EXOC3: variants seen among roughly 807,000 people sequenced by gnomAD.
EXOC3 encodes SEC6-like 1.
EXOC3 carries 21 observed loss-of-function variants against 73.7 expected under a neutral mutation model. The observed-to-expected ratio is 0.29, with a 90% CI of 0.20 to 0.41. The LOEUF is 0.41. Ranked by LOEUF, EXOC3 falls within the 10% of genes least tolerant of loss-of-function variation. The probability of loss-of-function intolerance (pLI) is 1.00; values close to 1 mark genes in which losing one functional copy is unlikely to be tolerated. For synonymous variants in EXOC3, 410 were observed against 389.1 expected (o/e 1.05, Z -0.63); for missense variants, 842 against 985.1 (o/e 0.85, Z 1.95).
chr5:463,654 G>A (rs1738052435), intron 9 of EXOC3, among the ~76,000 whole-genome samples: 1 of 152,068 alleles, frequency 6.6e-6, no homozygotes, highest in Non-Finnish European at 1.5e-5. Context: ...ACTTCTATTG[G>A]AGTTTTAATT....
At chr5:462,843 C>T (rs952142656) in intron 9 of EXOC3, among the ~76,000 whole-genome samples, 4 of 152,212 alleles carry the variant, frequency 2.6e-5, no homozygotes, top group East Asian at 1.9e-4. Context: ...TGGTGGCTTA[C>T]GCCTTTAATC....
intron 10 of EXOC3, 23 bp downstream of exon 10, chr5:464,435 C>T (rs1372521987): frequency 6.8e-6 from 11 of 1,611,148 alleles, no homozygotes; most frequent in Non-Finnish European, 9.3e-6. Flanking sequence ...GACCTAGTTC[C>T]CTCATCACCT....
chr5:456,944 G>C lies in EXOC3; in HGVS notation c.1102G>C (p.Glu368Gln). ...CCCGGAAGTGGATGTCGGCACCCTG[G>C]AGCCATTGCTTTCTCCACACGTGGT... The part of the protein sequence containing the change: ...LAPEVDVGTL[E>Q]PLLSPHVVSE... Residue 368 changes from glutamate (E) to glutamine (Q), a missense_variant, in exon 5 of 13, where the codon GAG becomes CAG. Transcript: ENST00000512944. 2 of 1,614,070 alleles carry C rather than the reference G, an allele frequency of 1.2e-6. No individual in the cohort carries two copies. The highest frequency in any genetic ancestry group is 1.7e-6 in the Non-Finnish European group (2 of 1,179,894).
intron 3 of EXOC3, among the ~76,000 whole-genome samples, chr5:449,091 A>G (rs1737584877): frequency 6.6e-6 from 1 of 152,230 alleles, no homozygotes; most frequent in African/African-American, 2.4e-5. Context: ...AAAAAGGTGC[A>G]TTACTGGAAT....
chr5:453,226 TACCTCAGAC>T lies in EXOC3; in HGVS notation c.365-141_365-133del, dbSNP rs1469833332. ...TAGACTCCAGAGTTCCAAAGATAGT[TACCTCAGAC>T]ACATCCTGCCATTGCAGTTGTTGTT... On this transcript the variant is annotated intron_variant, in intron 3 of 12. Transcript: ENST00000512944. 1.6e-5 allele frequency: 10 copies of T among 635,692 alleles called. No individual in the cohort carries two copies. In the South Asian group the frequency reaches 1.6e-4, roughly 10 times the overall value. The allele number at this position is 635,692 out of a possible 1,614,324, so 39.4% of individuals were successfully genotyped here.
intron 1 of EXOC3, among the ~76,000 whole-genome samples, chr5:444,698 ATTTAAGGGGAGTTGTCCCTGGGTGGCG>A (rs1226438616): frequency 1.3e-5 from 2 of 152,312 alleles, no homozygotes; most frequent in Admixed American, 1.3e-4. Flanking sequence ...GAGTGTCGGG[ATTTAAGGGGAGTTGTCCCTGGGTGGCG>A]GGATTTAAGG....
intron 7 of EXOC3, 29 bp downstream of exon 7, chr5:459,488 A>ACCTGT: frequency 8.2e-7 from 1 of 1,218,560 alleles, no homozygotes; most frequent in Non-Finnish European, 1.2e-6. Flanking sequence ...GTGCTAATGT[A>ACCTGT]CACATTGAAT....
chr5:466,460 C>A (rs1411096236), intron 12 of EXOC3: 3 of 456,494 alleles, frequency 6.6e-6, no homozygotes. Context: ...GGGTCTTGAG[C>A]TCTCCACGGT....
In EXOC3 at chr5:453,950, C is replaced by G; in HGVS notation, c.945C>G (p.Tyr315Ter). 1 of 1,614,020 alleles carries G rather than the reference C, an allele frequency of 6.2e-7. No homozygotes were observed. Among genetic ancestry groups the G allele is most frequent in the Non-Finnish European group, 8.5e-7 (1 of 1,179,876 alleles). The change falls in exon 4 of 13, where the codon TAC (tyrosine) becomes TAG (stop). Residue 315 changes from tyrosine (Y) to a stop codon, truncating the protein, a stop_gained. Coordinates refer to ENST00000512944, the MANE Select transcript of EXOC3 (RefSeq NM_007277.5). LOFTEE classifies it high-confidence loss of function. Reference sequence around the variant, plus strand: ...TCTTTAAGAACCTCCTGAACATGTACCACCAAGCCCTGAGCACGCGGATGC... The same window carrying G: ...TCTTTAAGAACCTCCTGAACATGTAGCACCAAGCCCTGAGCACGCGGATGC... ...YEIFKNLLNM[Y>*]HQALSTRMQD...
chr5:457,874 T>C (rs1358519247), intron 5 of EXOC3, 26 bp from the exon 6 acceptor site: 2 of 1,592,094 alleles, frequency 1.3e-6, no homozygotes, highest in East Asian at 4.5e-5. Context: ...TCTCTTCTCT[T>C]CTCCATGATG....
chr5:451,440 A>G (rs1398640666), intron 3 of EXOC3, among the ~76,000 whole-genome samples: 1 of 152,234 alleles, frequency 6.6e-6, no homozygotes, highest in Non-Finnish European at 1.5e-5. Flanking sequence ...AAAATTAGGT[A>G]GAAAACAATG....
intron 4 of EXOC3, among the ~76,000 whole-genome samples, chr5:456,140 C>T (rs183727637): frequency 8.5e-5 from 13 of 152,238 alleles, no homozygotes; most frequent in Admixed American, 2.0e-4. Flanking sequence ...GATTCCAGGA[C>T]CCCCCTTGGC....
At position 451,124 on chromosome 5, in the gene EXOC3, CTTAT is replaced by C. The variant is rs536521129; in HGVS notation, c.365-2243_365-2240del. Among the ~76,000 whole-genome samples the C allele has an allele frequency of 1.4e-3, 210 of 149,620 alleles. 1 individual carries two copies. Among genetic ancestry groups the C allele is most frequent in the Non-Finnish European group, 1.9e-3 (125 of 66,454 alleles). The stretch of plus-strand genomic sequence containing the variant: ...TATATGCGGTATAACATTTTTGTCT[CTTAT>C]TTCTGCATTTTTTTTGTGCTTTTGA... On this transcript the variant is annotated intron_variant, in intron 3 of 12. Coordinates refer to ENST00000512944, the MANE Select transcript of EXOC3 (RefSeq NM_007277.5).
chr5:462,201 T>C lies in EXOC3; in HGVS notation c.1547T>C (p.Val516Ala), dbSNP rs2126586061. 6.2e-7 allele frequency: 1 copy of C among 1,613,924 alleles called. No homozygotes were observed. Among genetic ancestry groups the C allele is most frequent in the Non-Finnish European group, 8.5e-7 (1 of 1,179,888 alleles). Residue 516 changes from valine (V) to alanine (A), a missense_variant, in exon 9 of 13, where the codon GTG (valine) becomes GCG (alanine). Transcript: ENST00000512944. ...AAAAGAAAGTATTTAAAGAATGAAG[T>C]GGAAGAGGGTGTGTCTCCGAGCCAG... ...SLKRKYLKNE[V>A]EEGVSPSQPS...
At chr5:462,350 C>A (rs890972) in intron 9 of EXOC3, 43 bp downstream of exon 9, 794,550 of 1,609,582 alleles carry the variant, frequency 0.49, 200,405 homozygotes, top group African/African-American at 0.76. Context: ...GGGCCGAAGC[C>A]CAGTGCTTCC....
rs759279639 is a variant in EXOC3 at position 446,315 on chromosome 5, C to T, written c.110C>T (p.Ala37Val). The change falls in exon 2 of 13, where the codon GCG becomes GTG. Residue 37 changes from alanine to valine, a missense_variant. Coordinates refer to ENST00000512944, the MANE Select transcript of EXOC3 (RefSeq NM_007277.5). ...DKVEQYRRRE[A>V]RKKASVEARL... ...GTGGAGCAGTATCGCAGGAGAGAAG[C>T]GCGGAAGAAGGCCTCCGTGGAGGCC... 30 of 1,612,816 alleles carry T rather than the reference C, an allele frequency of 1.9e-5. No homozygotes were observed. Among genetic ancestry groups the T allele is most frequent in the Middle Eastern group, 1.7e-4 (1 of 6,032 alleles).
chr5:451,070 G>A (rs1737646969), intron 3 of EXOC3, among the ~76,000 whole-genome samples: 2 of 151,964 alleles, frequency 1.3e-5, no homozygotes, highest in African/African-American at 4.8e-5. Flanking sequence ...TGATAAGAAG[G>A]GACTTCTGTC....
Position 447,604 on chromosome 5 carries a change from C to G in EXOC3, c.216C>G (p.Val72=), listed in dbSNP as rs1737543543. ...LSQLHNALND[V]KDIQQSLADV... ...AGCTCCACAACGCCCTGAATGACGTCAAAGACATCCAGCAGTCGCTGGCAG... is the reference window on the plus strand; with the variant it reads ...AGCTCCACAACGCCCTGAATGACGTGAAAGACATCCAGCAGTCGCTGGCAG... The change falls in exon 3 of 13, where the codon GTC becomes GTG. Residue 72 remains valine (V), a synonymous_variant. Transcript: ENST00000512944. The G allele has an allele frequency of 1.3e-6, 2 of 1,588,808 alleles. No individual in the cohort carries two copies. Among genetic ancestry groups the G allele is most frequent in the Non-Finnish European group, 1.7e-6 (2 of 1,167,514 alleles).
chr5:466,551 G>T, intron 12 of EXOC3, 176 bp from the exon 13 acceptor site: 1 of 590,636 alleles, frequency 1.7e-6, no homozygotes, highest in Non-Finnish European at 3.0e-6. Context: ...AGAAAAGACA[G>T]AGTAAGATGA....
Sources: gnomAD v4.1 joint callset for allele counts (sites outside exome capture counted in the v4.1 genomes callset) on GRCh38, gnomAD v4.1.1 for gene constraint, MANE v1.5 for transcripts, NCBI Gene and HGNC (gene_info 2026-07-23, HGNC 2026-07-21) for gene names.